The following TBC1D22A variants were observed in gnomAD, a reference collection of about 807,000 sequenced individuals.
TBC1D22A encodes putative GTPase activator.
TBC1D22A carries 38 observed loss-of-function variants against 60.2 expected under a neutral mutation model. The observed-to-expected ratio is 0.63, with a 90% CI of 0.49 to 0.83. The LOEUF (loss-of-function observed/expected upper bound fraction) is 0.83. Among genes scored for constraint, TBC1D22A ranks in the 40% least tolerant of loss-of-function variants. The probability of loss-of-function intolerance (pLI) is 0.00; values close to 1 mark genes in which losing one functional copy is unlikely to be tolerated. For missense variants in TBC1D22A, 628 were observed against 701.0 expected, an observed-to-expected ratio of 0.90 and a Z score of 1.18; for synonymous variants, 302 against 281.7, an observed-to-expected ratio of 1.07 and a Z score of -0.72.
intron 4 of TBC1D22A, among the ~76,000 whole-genome samples, chr22:46,822,038 T>TA (rs1338354484): frequency 6.6e-6 from 1 of 151,942 alleles, no homozygotes; most frequent in Non-Finnish European, 1.5e-5. Context: ...CAGCTGTTGA[T>TA]ACTTGTGTTT....
At chr22:46,987,382 G>A (rs1367155024) in intron 9 of TBC1D22A, among the ~76,000 whole-genome samples, 4 of 152,128 alleles carry the variant, frequency 2.6e-5, no homozygotes, top group Non-Finnish European at 5.9e-5. Flanking sequence ...CTTGTTAGTA[G>A]ATGCCTTAGG....
At chr22:46,922,776 T>C (rs1323994631) in intron 8 of TBC1D22A, among the ~76,000 whole-genome samples, 2 of 152,230 alleles carry the variant, frequency 1.3e-5, no homozygotes, top group African/African-American at 4.8e-5. Context: ...TTTTGTACAT[T>C]GATTTTTGTA....
chr22:46,942,562 C>T (rs6008005), intron 8 of TBC1D22A, among the ~76,000 whole-genome samples: 3,116 of 152,228 alleles, frequency 0.02, 109 homozygotes, highest in African/African-American at 0.072. Flanking sequence ...AAGAGCTTTT[C>T]GGATCCAGAA....
At chr22:46,923,362 C>T (rs1228457497) in intron 8 of TBC1D22A, among the ~76,000 whole-genome samples, 1 of 152,234 alleles carries the variant, frequency 6.6e-6, no homozygotes, top group African/African-American at 2.4e-5. Context: ...GGGGAGAGTC[C>T]TGGGCTCTAC....
chr22:47,106,003 A>G (rs547836085), intron 11 of TBC1D22A, among the ~76,000 whole-genome samples: 12 of 152,366 alleles, frequency 7.9e-5, no homozygotes, highest in African/African-American at 2.4e-4. Context: ...AGGAGTAACT[A>G]TCAATTTACA....
chr22:47,148,117 A>T (rs2067352893), intron 12 of TBC1D22A, among the ~76,000 whole-genome samples: 1 of 152,180 alleles, frequency 6.6e-6, no homozygotes, highest in Non-Finnish European at 1.5e-5. Context: ...ATGAAAAATG[A>T]AGCATCTCAA....
intron 3 of TBC1D22A, among the ~76,000 whole-genome samples, chr22:46,795,531 C>T (rs762999727): frequency 2.6e-5 from 4 of 152,228 alleles, no homozygotes; most frequent in African/African-American, 4.8e-5. Context: ...AGGCAGCTTG[C>T]GCTGGGAGAA....
chr22:47,048,410 A>C (rs1057119856), intron 11 of TBC1D22A, among the ~76,000 whole-genome samples: 8 of 152,120 alleles, frequency 5.3e-5, no homozygotes, highest in Non-Finnish European at 1.0e-4. Flanking sequence ...CAGCACATCC[A>C]GTTACTACGT....
chr22:46,919,823 G>C (rs1408867074), intron 8 of TBC1D22A, among the ~76,000 whole-genome samples: 3 of 149,018 alleles, frequency 2.0e-5, no homozygotes, highest in African/African-American at 7.5e-5. Context: ...TAAAAACTCA[G>C]ATAAGAAGGG....
chr22:47,040,295 A>G (rs997667987), intron 11 of TBC1D22A, among the ~76,000 whole-genome samples: 1 of 152,128 alleles, frequency 6.6e-6, no homozygotes, highest in Non-Finnish European at 1.5e-5. Context: ...ACTCACTAGC[A>G]TGAGAACGGC....
At chr22:46,801,400 T>C (rs1450605612) in intron 4 of TBC1D22A, among the ~76,000 whole-genome samples, 1 of 152,282 alleles carries the variant, frequency 6.6e-6, no homozygotes, top group Non-Finnish European at 1.5e-5. Context: ...TGAGTCTACC[T>C]GCTGAATATC....
At position 47,156,529 on chromosome 22, in the gene TBC1D22A, G is replaced by A. The variant is rs80031518; in HGVS notation, c.1426-16969G>A. On this transcript the variant is annotated intron_variant, in intron 12 of 12. Transcript: ENST00000337137. ...CTCACAGTTGTTAGATCGATGCCTA[G>A]CTTGAGGCTGGCCGGAGTGAACACC... Among the ~76,000 whole-genome samples, 6 of 152,276 alleles carry A rather than the reference G, an allele frequency of 3.9e-5. No homozygotes were observed. In the East Asian group the frequency reaches 1.2e-3, roughly 29 times the overall value.
At chr22:47,141,917 G>T (rs927834479) in intron 12 of TBC1D22A, among the ~76,000 whole-genome samples, 4 of 152,198 alleles carry the variant, frequency 2.6e-5, no homozygotes, top group African/African-American at 4.8e-5. Context: ...TCTACCAAAT[G>T]GTTGTCTGGC....
chr22:46,926,240 C>A (rs2071042158), intron 8 of TBC1D22A, among the ~76,000 whole-genome samples: 3 of 152,038 alleles, frequency 2.0e-5, no homozygotes, highest in Admixed American at 2.0e-4. Flanking sequence ...TTTCCACTTT[C>A]CGAAACTTAG....
At chr22:46,799,961 G>A (rs527359299) in intron 4 of TBC1D22A, among the ~76,000 whole-genome samples, 6 of 152,330 alleles carry the variant, frequency 3.9e-5, no homozygotes, top group African/African-American at 1.4e-4. Context: ...GAAGTGCTCT[G>A]TAGAGAGATG....
At chr22:46,974,205 G>A in intron 8 of TBC1D22A, 85 bp from the exon 9 acceptor site, 3 of 1,138,128 alleles carry the variant, frequency 2.6e-6, no homozygotes, top group Non-Finnish European at 3.9e-6. Context: ...TGCAGGCTCA[G>A]CTCTGTTCCT....
chr22:47,164,277 G>A (rs1162756240), intron 12 of TBC1D22A, among the ~76,000 whole-genome samples: 1 of 152,218 alleles, frequency 6.6e-6, no homozygotes, highest in Non-Finnish European at 1.5e-5. Context: ...CTGTGGCCTC[G>A]GTCACCAGCT....
At chr22:47,033,707 A>T (rs905123454) in intron 10 of TBC1D22A, among the ~76,000 whole-genome samples, 2 of 152,194 alleles carry the variant, frequency 1.3e-5, no homozygotes, top group African/African-American at 4.8e-5. Flanking sequence ...GTAGCCTCGC[A>T]CTGAGCAGAG....
chr22:46,881,023 G>C (rs2147512032), intron 5 of TBC1D22A, among the ~76,000 whole-genome samples: 1 of 152,216 alleles, frequency 6.6e-6, no homozygotes, highest in Admixed American at 6.5e-5. Flanking sequence ...TCTGCTAGTG[G>C]GAAGTGGGGA....
Sources: allele counts gnomAD v4.1 joint callset (sites outside exome capture counted in the v4.1 genomes callset), GRCh38; gene constraint gnomAD v4.1.1; transcripts MANE v1.5; gene names NCBI Gene and HGNC (gene_info 2026-07-23, HGNC 2026-07-21).